The following MAF variants were observed in gnomAD, a reference collection of about 807,000 sequenced individuals.
MAF encodes MAF bZIP transcription factor, also known as transcription factor Maf.
In MAF, 10 loss-of-function variants were observed where a neutral mutation model predicts 22.0. The observed-to-expected ratio is 0.45, with a 90% CI of 0.28 to 0.77. MAF has a LOEUF of 0.77. Ranked by LOEUF, MAF falls within the 30% of genes least tolerant of loss-of-function variation. The pLI, the probability that MAF is intolerant of heterozygous loss-of-function variation, is 0.12. For missense variants in MAF, 544 were observed against 548.4 expected (o/e 0.99, Z 0.08); for synonymous variants, 337 against 255.8 (o/e 1.32, Z -3.03).
At chr16:79,334,857 GTGTGTA>G in the MAF span, among the ~76,000 whole-genome samples, 1,073 of 91,690 alleles carry the variant, frequency 0.012, 12 homozygotes, top group African/African-American at 0.038. Context: ...GTGTGTGTGT[GTGTGTA>G]TGTGTGTGTG....
the MAF span, among the ~76,000 whole-genome samples, chr16:79,497,771 G>C: frequency 6.6e-6 from 1 of 152,332 alleles, no homozygotes. Flanking sequence ...AAGAGACAAG[G>C]AAGGAGAAAA....
chr16:79,594,445 G>A lies in MAF; in HGVS notation c.*15C>T. ...TAATGATGATTTTTTTTAATGTACA[G>A]CTCTCACACAAATTTCATTTTGTGA... On this transcript the variant is annotated 3_prime_UTR_variant, in exon 2 of 2. Transcript: ENST00000326043. The A allele has an allele frequency of 5.2e-6, 8 of 1,551,124 alleles. No individual in the cohort carries two copies. Among genetic ancestry groups the A allele is most frequent in the Non-Finnish European group, 7.0e-6 (8 of 1,145,532 alleles).
chr16:79,225,568 C>G, the MAF span, among the ~76,000 whole-genome samples: 6 of 152,160 alleles, frequency 3.9e-5, no homozygotes, highest in African/African-American at 1.4e-4. Context: ...GCAAAAGAAA[C>G]TATCATCAGA....
chr16:79,403,469 G>T, the MAF span, among the ~76,000 whole-genome samples: 2 of 152,164 alleles, frequency 1.3e-5, no homozygotes, highest in African/African-American at 4.8e-5. Context: ...AGTGGATCAA[G>T]TGCCCGCCCC....
the MAF span, among the ~76,000 whole-genome samples, chr16:79,544,004 A>G: frequency 6.6e-6 from 1 of 152,064 alleles, no homozygotes; most frequent in Non-Finnish European, 1.5e-5. Context: ...CTTTTCTTGT[A>G]CCAAGGTAGA....
the MAF span, among the ~76,000 whole-genome samples, chr16:79,207,746 T>C: frequency 2.6e-5 from 4 of 152,146 alleles, no homozygotes. Flanking sequence ...AGTATTATAT[T>C]AGAGTACTAA....
chr16:79,444,844 T>A, the MAF span, among the ~76,000 whole-genome samples: 1 of 152,164 alleles, frequency 6.6e-6, no homozygotes, highest in Non-Finnish European at 1.5e-5. Context: ...TTGATTTCAA[T>A]GATGAATCAC....
the MAF span, among the ~76,000 whole-genome samples, chr16:79,287,195 C>G: frequency 1.3e-5 from 2 of 151,856 alleles, no homozygotes; most frequent in Non-Finnish European, 2.9e-5. Context: ...AGCATTGCAG[C>G]CCATATTCCA....
the MAF span, among the ~76,000 whole-genome samples, chr16:79,321,150 A>G: frequency 2.0e-5 from 3 of 152,214 alleles, no homozygotes; most frequent in African/African-American, 7.2e-5. Context: ...CAGCATCTAC[A>G]TACAGTGATT....
the MAF span, among the ~76,000 whole-genome samples, chr16:79,556,880 TA>T: frequency 4.6e-5 from 7 of 152,154 alleles, no homozygotes; most frequent in Admixed American, 1.3e-4. Flanking sequence ...AAGCTTATAA[TA>T]GTGCTTGGTA....
chr16:79,440,087 T>A, the MAF span, among the ~76,000 whole-genome samples: 1 of 152,192 alleles, frequency 6.6e-6, no homozygotes, highest in Admixed American at 6.5e-5. Context: ...TGACATTCCT[T>A]CCCTTTGGAC....
chr16:79,598,303 A>C, intron 1 of MAF: 1 of 1,096,020 alleles, frequency 9.1e-7, no homozygotes, highest in Non-Finnish European at 1.1e-6. Flanking sequence ...ACACACACAC[A>C]CAGAAAATGA....
At chr16:79,311,350 T>C in the MAF span, among the ~76,000 whole-genome samples, 1 of 152,180 alleles carries the variant, frequency 6.6e-6, no homozygotes, top group African/African-American at 2.4e-5. Context: ...TACTTCTTTT[T>C]TGAAAAGGAA....
chr16:79,584,388 G>A (rs1237453663), downstream of MAF, among the ~76,000 whole-genome samples: 2 of 152,112 alleles, frequency 1.3e-5, no homozygotes, highest in Non-Finnish European at 2.9e-5. Flanking sequence ...GTAACTTCAA[G>A]GAATTGTCCT....
downstream of MAF, among the ~76,000 whole-genome samples, chr16:79,582,880 T>TG (rs1912608765): frequency 6.6e-6 from 1 of 152,124 alleles, no homozygotes; most frequent in African/African-American, 2.4e-5. Context: ...TTAGAAGCCC[T>TG]GGGGGGCCTT....
At chr16:79,439,257 C>CTTTTTTTTTTTTTTTTT in the MAF span, among the ~76,000 whole-genome samples, 1 of 130,804 alleles carries the variant, frequency 7.6e-6, no homozygotes, top group Non-Finnish European at 1.6e-5. Context: ...TAGGTACTTA[C>CTTTTTTTTTTTTTTTTT]TTTTTTTTTT....
the MAF span, among the ~76,000 whole-genome samples, chr16:79,540,706 G>A: frequency 1.3e-5 from 2 of 152,070 alleles, no homozygotes; most frequent in African/African-American, 4.8e-5. Flanking sequence ...AATGTAGATC[G>A]AATTTTGCGT....
At chr16:79,319,799 G>A in the MAF span, among the ~76,000 whole-genome samples, 1 of 152,184 alleles carries the variant, frequency 6.6e-6, no homozygotes, top group African/African-American at 2.4e-5. Context: ...TTCCAGTTGA[G>A]GGAGAGAAAC....
chr16:79,597,488 A>C, intron 1 of MAF: 1 of 1,024,944 alleles, frequency 9.8e-7, no homozygotes, highest in Non-Finnish European at 1.2e-6. Context: ...TCTTATTAAA[A>C]AGAAAACATT....
Sources: allele counts gnomAD v4.1 joint callset (sites outside exome capture counted in the v4.1 genomes callset), GRCh38; gene constraint gnomAD v4.1.1; transcripts MANE v1.5; gene names NCBI Gene and HGNC (gene_info 2026-07-23, HGNC 2026-07-21).